The following NCOA2 variants were observed in gnomAD, a reference collection of about 807,000 sequenced individuals.
The protein encoded by NCOA2 is nuclear receptor coactivator 2.
In NCOA2, 21 loss-of-function variants were observed where a neutral mutation model predicts 145.1. The ratio of observed to expected loss-of-function variants is 0.14; its 90% CI spans 0.10 to 0.21. NCOA2 has a LOEUF of 0.21. Among genes scored for constraint, NCOA2 ranks in the 10% least tolerant of loss-of-function variants. The pLI is 1.00. For missense variants in NCOA2, 1,472 were observed against 1,837.6 expected, an observed-to-expected ratio of 0.80 and a Z score of 3.64; for synonymous variants, 619 against 637.5, an observed-to-expected ratio of 0.97 and a Z score of 0.44.
chr8:70,402,318 G>A (rs1420186866), intron 1 of NCOA2: 1 of 152,298 alleles, frequency 6.6e-6, no homozygotes, highest in Non-Finnish European at 1.5e-5. Flanking sequence ...GTTCAGGCTC[G>A]GTCTCTGGTT....
the NCOA2 span, chr8:70,424,338 C>T: frequency 2.7e-6 from 1 of 375,336 alleles, no homozygotes; most frequent in South Asian, 2.2e-5. Context: ...TGTTCAAGAA[C>T]CAGTTGGGGA....
intron 10 of NCOA2, among the ~76,000 whole-genome samples, chr8:70,157,809 A>T (rs1812454910): frequency 6.6e-6 from 1 of 152,198 alleles, no homozygotes; most frequent in Non-Finnish European, 1.5e-5. Context: ...CACCTTGTTT[A>T]ACAGATTTCC....
chr8:70,264,367 C>T (rs1174837429), intron 2 of NCOA2, among the ~76,000 whole-genome samples: 4 of 151,836 alleles, frequency 2.6e-5, no homozygotes, highest in African/African-American at 9.7e-5. Flanking sequence ...TGGTAGTACA[C>T]ACCTGTAGAA....
At position 70,112,904 on chromosome 8, in the gene NCOA2, G is replaced by C. The variant is rs1035804453; in HGVS notation, c.*728C>G. On this transcript the variant is annotated 3_prime_UTR_variant, in exon 23 of 23. Coordinates refer to ENST00000452400, the MANE Select transcript of NCOA2 (RefSeq NM_006540.4). ...TATTTCTTCTCAATTCATGATTCAG[G>C]TGAACCAGTTTGGTTTTAACAAAGA... 2.5e-5 allele frequency: 5 copies of C among 198,562 alleles called. No homozygotes were observed. Among genetic ancestry groups the C allele is most frequent in the African/African-American group, 1.2e-4 (5 of 43,388 alleles). The allele number at this position is 198,562 out of a possible 1,614,324, so 12.3% of individuals were successfully genotyped here.
the NCOA2 span, among the ~76,000 whole-genome samples, chr8:70,455,442 G>A: frequency 1.3e-5 from 2 of 152,112 alleles, no homozygotes; most frequent in South Asian, 4.1e-4. Context: ...TTCTTTTTCG[G>A]TTCTGTTTAC....
intron 6 of NCOA2, among the ~76,000 whole-genome samples, chr8:70,167,471 T>A (rs1296101620): frequency 6.6e-6 from 1 of 152,190 alleles, no homozygotes; most frequent in East Asian, 1.9e-4. Flanking sequence ...AAGGCTGAGG[T>A]CCTCTACAAT....
chr8:70,421,876 C>A, the NCOA2 span, among the ~76,000 whole-genome samples: 1 of 152,036 alleles, frequency 6.6e-6, no homozygotes, highest in Non-Finnish European at 1.5e-5. Flanking sequence ...GGGTGGATCA[C>A]CTGAGGCCAG....
intron 21 of NCOA2, among the ~76,000 whole-genome samples, chr8:70,123,581 A>G (rs1487508582): frequency 6.6e-6 from 1 of 151,912 alleles, no homozygotes; most frequent in African/African-American, 2.4e-5. Context: ...TACACTCACT[A>G]TTTCATCTTT....
intron 1 of NCOA2, among the ~76,000 whole-genome samples, chr8:70,352,953 T>G (rs1326284734): frequency 1.3e-5 from 2 of 152,156 alleles, no homozygotes; most frequent in Non-Finnish European, 2.9e-5. Flanking sequence ...ACCTTAGTAG[T>G]AGCATAACAT....
At chr8:70,373,637 G>C (rs532267802) in intron 1 of NCOA2, among the ~76,000 whole-genome samples, 21 of 151,976 alleles carry the variant, frequency 1.4e-4, no homozygotes, top group African/African-American at 4.6e-4. Flanking sequence ...ATATTATCTT[G>C]TGCTAAGTTT....
chr8:70,226,663 TATA>T (rs1820674987), intron 2 of NCOA2, among the ~76,000 whole-genome samples: 2 of 9,460 alleles, frequency 2.1e-4, no homozygotes, highest in Non-Finnish European at 8.2e-4. Flanking sequence ...TAATTATTTA[TATA>T]TATATATATA....
intron 21 of NCOA2, among the ~76,000 whole-genome samples, chr8:70,123,548 C>T (rs922392534): frequency 1.3e-5 from 2 of 150,646 alleles, no homozygotes; most frequent in African/African-American, 4.9e-5. Context: ...AACGATAACC[C>T]CCAAATAGAG....
chr8:70,190,627 G>A (rs1816573790), intron 4 of NCOA2, among the ~76,000 whole-genome samples: 2 of 152,168 alleles, frequency 1.3e-5, no homozygotes, highest in African/African-American at 2.4e-5. Flanking sequence ...TGAGGCGGGT[G>A]GATCCCCTGA....
intron 15 of NCOA2, among the ~76,000 whole-genome samples, chr8:70,135,090 G>A (rs144446479): frequency 6.0e-4 from 92 of 152,190 alleles, no homozygotes; most frequent in African/African-American, 2.2e-3. Flanking sequence ...TAATGTTCAT[G>A]CCTTCCCTGT....
chr8:70,285,956 T>G (rs1403626759), intron 2 of NCOA2, among the ~76,000 whole-genome samples: 2 of 152,158 alleles, frequency 1.3e-5, no homozygotes, highest in Non-Finnish European at 1.5e-5. Flanking sequence ...TTAATTCATC[T>G]CTCTATACCT....
intron 2 of NCOA2, among the ~76,000 whole-genome samples, chr8:70,270,996 T>C (rs568919602): frequency 3.3e-5 from 5 of 152,352 alleles, no homozygotes; most frequent in African/African-American, 1.2e-4. Flanking sequence ...TAAATTAGCA[T>C]TGAAATTCTA....
At chr8:70,374,482 A>AG (rs1220354296) in intron 1 of NCOA2, among the ~76,000 whole-genome samples, 1 of 151,908 alleles carries the variant, frequency 6.6e-6, no homozygotes, top group East Asian at 1.9e-4. Flanking sequence ...AAAAAAAAAA[A>AG]AAAAGAAAAA....
chr8:70,172,850 A>C (rs1814405910), intron 5 of NCOA2, among the ~76,000 whole-genome samples: 1 of 152,162 alleles, frequency 6.6e-6, no homozygotes, highest in South Asian at 2.1e-4. Context: ...TCCTCTCATA[A>C]AGCTGTGTTT....
At chr8:70,404,619 A>G (rs1016036619), upstream of NCOA2, among the ~76,000 whole-genome samples, 2 of 152,314 alleles carry the variant, frequency 1.3e-5, no homozygotes, top group Admixed American at 1.3e-4. Flanking sequence ...TGGAAGGGGC[A>G]CCACCCGGCA....
Sources: gnomAD v4.1 joint callset for allele counts (sites outside exome capture counted in the v4.1 genomes callset) on GRCh38, gnomAD v4.1.1 for gene constraint, MANE v1.5 for transcripts, NCBI Gene and HGNC (gene_info 2026-07-23, HGNC 2026-07-21) for gene names.